FLNB: variants seen among roughly 807,000 people sequenced by gnomAD.
FLNB encodes filamin-B.
Under a neutral mutation model 250.6 loss-of-function variants are expected in FLNB, and 111 were observed. That is an observed-to-expected ratio of 0.44 (90% CI 0.38 to 0.52). The LOEUF (loss-of-function observed/expected upper bound fraction) is 0.52, where lower values mean the gene tolerates loss of function less well. Ranked by LOEUF, FLNB falls within the 20% of genes least tolerant of loss-of-function variation. FLNB has a pLI of 0.00. For synonymous variants in FLNB, 1,302 were observed against 1,372.1 expected (o/e 0.95, Z 1.13); for missense variants, 2,869 against 3,447.8 (o/e 0.83, Z 4.20).
chr3:58,051,435 G>A (rs1421409546), intron 1 of FLNB, among the ~76,000 whole-genome samples: 1 of 152,198 alleles, frequency 6.6e-6, no homozygotes, highest in East Asian at 1.9e-4. Flanking sequence ...CTGCAAGCAT[G>A]TACAGTACTT....
chr3:58,039,783 G>A (rs766761122), intron 1 of FLNB, among the ~76,000 whole-genome samples: 8 of 152,182 alleles, frequency 5.3e-5, no homozygotes, highest in Non-Finnish European at 1.0e-4. Context: ...TTCATGGGTG[G>A]TGGGGAGGGT....
chr3:58,146,999 G>A lies in FLNB; in HGVS notation c.5728+6G>A. On this transcript the variant is annotated splice_donor_region_variant and intron_variant, in intron 34 of 45. Transcript: ENST00000295956. ...CTTCACAGCCAAGATCACAGGTAGG[G>A]TTGTCTGGCTTCTGGGGTCTTCCTC... The A allele has an allele frequency of 1.2e-6, 2 of 1,613,684 alleles. No individual in the cohort carries two copies. The highest frequency in any genetic ancestry group is 2.2e-5 in the East Asian group (1 of 44,882).
rs534374010 is a variant in FLNB, at chr3:58,107,264, C to T, written c.1941+391C>T. Among the ~76,000 whole-genome samples the T allele has an allele frequency of 2.6e-5, 4 of 152,272 alleles. No homozygotes were observed. In the South Asian group the frequency reaches 8.3e-4, roughly 32 times the overall value. ...CAGGCTGGTCTCGAACTCCTGGCCT[C>T]AAGTGATCCACCCGCCTCGGCCCTC... On this transcript the variant is annotated intron_variant, in intron 12 of 45. Transcript: ENST00000295956.
intron 1 of FLNB, among the ~76,000 whole-genome samples, chr3:58,024,651 G>A (rs935871479): frequency 2.0e-5 from 3 of 150,344 alleles, no homozygotes; most frequent in African/African-American, 7.3e-5. Context: ...TGTTGAGTAG[G>A]AACCATCATG....
At chr3:58,129,458 G>A (rs909026855) in intron 24 of FLNB, among the ~76,000 whole-genome samples, 2 of 152,184 alleles carry the variant, frequency 1.3e-5, no homozygotes, top group Admixed American at 6.5e-5. Context: ...CTCAGAGGTA[G>A]TCCCTTGCCA....
Position 58,008,460 on chromosome 3 carries a change from G to A in FLNB, c.-105G>A. The A allele has an allele frequency of 7.2e-7, 1 of 1,391,444 alleles. No homozygotes were observed. Among genetic ancestry groups the A allele is most frequent in the South Asian group, 1.2e-5 (1 of 80,332 alleles). 86.2% of individuals were successfully genotyped at this position (1,391,444 alleles called of 1,614,324 possible). ...CCGTGGCTCCGGTAGCAGCAAGTTC[G>A]AACCCCGCTCCCGCTCCGCTTCGGT... On this transcript the variant is annotated 5_prime_UTR_variant, in exon 1 of 46. Coordinates refer to ENST00000295956, the MANE Select transcript of FLNB (RefSeq NM_001457.4).
At position 58,096,214 on chromosome 3, in the gene FLNB, A is replaced by T; in HGVS notation, c.980A>T (p.His327Leu). 6.2e-7 allele frequency: 1 copy of T among 1,612,604 alleles called. No individual in the cohort carries two copies. Residue 327 changes from histidine (H) to leucine (L), a missense_variant, in exon 6 of 46, where the codon CAC (histidine) becomes CTC (leucine). Transcript: ENST00000295956. ...VEYLPKVTGL[H>L]KVTVLFAGQH... ...TATCTGCCCAAGGTCACCGGGCTAC[A>T]CAAAGTAAGATGAAGCAGCATGGCT...
chr3:58,055,459 C>T (rs1383098160), intron 1 of FLNB, among the ~76,000 whole-genome samples: 1 of 152,146 alleles, frequency 6.6e-6, no homozygotes, highest in Non-Finnish European at 1.5e-5. Context: ...TTCCAAGAGT[C>T]TGCGTGAGAG....
chr3:58,134,329 A>T (rs2097312646), intron 26 of FLNB, among the ~76,000 whole-genome samples: 1 of 152,210 alleles, frequency 6.6e-6, no homozygotes, highest in Non-Finnish European at 1.5e-5. Context: ...TCCTGAAAGC[A>T]TTCCCCCACC....
chr3:58,143,470 T>C lies in FLNB; in HGVS notation c.5285-3T>C, dbSNP rs1250728472. ...CATTGCCCCGTCTCTCTGTGCTCCA[T>C]AGGAGAGGTCCACATGCCTTCTGGG... On this transcript the variant is annotated splice_polypyrimidine_tract_variant and splice_region_variant and intron_variant, in intron 31 of 45. Coordinates refer to ENST00000295956, the MANE Select transcript of FLNB (RefSeq NM_001457.4). 3 of 1,613,970 alleles carry C rather than the reference T, an allele frequency of 1.9e-6. No individual in the cohort carries two copies. The highest frequency in any genetic ancestry group is 8.5e-7 in the Non-Finnish European group (1 of 1,180,000).
chr3:58,077,923 A>G (rs989866361), intron 2 of FLNB, among the ~76,000 whole-genome samples: 1 of 152,338 alleles, frequency 6.6e-6, no homozygotes, highest in East Asian at 1.9e-4. Context: ...CTCAGTAGAA[A>G]GACCAGAGTC....
At chr3:58,135,844 A>G in intron 27 of FLNB, 135 bp from the exon 28 acceptor site, 1 of 957,660 alleles carries the variant, frequency 1.0e-6, no homozygotes, top group Non-Finnish European at 1.6e-6. Context: ...AAAACAAAAC[A>G]AAACTAGATT....
At position 58,123,186 on chromosome 3, in the gene FLNB, G is replaced by A; in HGVS notation, c.3220G>A (p.Gly1074Ser). 1.2e-6 allele frequency: 2 copies of A among 1,613,996 alleles called. No homozygotes were observed. Residue 1074 changes from glycine (G) to serine (S), a missense_variant, in exon 21 of 46, where the codon GGC becomes AGC. This residue lies in a region of FLNB where 1,348 missense variants were observed against 1,466.7 expected (regional missense o/e 0.92). Transcript: ENST00000295956. ...DTKGAGTGGL[G>S]LTVEGPCEAK... Reference sequence around the variant, plus strand: ...CAAAGGAGCTGGTACTGGAGGTCTGGGCTTAACGGTGGAAGGTCCGTGCGA... The same window carrying A: ...CAAAGGAGCTGGTACTGGAGGTCTGAGCTTAACGGTGGAAGGTCCGTGCGA...
intron 2 of FLNB, chr3:58,078,414 G>A: frequency 6.5e-7 from 1 of 1,534,928 alleles, no homozygotes; most frequent in Non-Finnish European, 8.7e-7. Flanking sequence ...CTGCATAAAG[G>A]CACCAGGCTT....
At chr3:58,162,926 G>A (rs1370306540) in intron 42 of FLNB, 1 of 573,440 alleles carries the variant, frequency 1.7e-6, no homozygotes, top group Non-Finnish European at 3.2e-6. Flanking sequence ...TCAGAGTCTT[G>A]TCCTGTGTTT....
intron 1 of FLNB, among the ~76,000 whole-genome samples, chr3:58,032,675 C>G (rs1036170424): frequency 1.3e-5 from 2 of 152,176 alleles, no homozygotes; most frequent in African/African-American, 4.8e-5. Flanking sequence ...CAAATTCAAG[C>G]AGGTCCATTT....
Position 58,145,773 on chromosome 3 carries a change from G to A in FLNB, c.5426-148G>A, listed in dbSNP as rs9874897. ...GTCCTAGGATGGCGGGGGATGGGAG[G>A]TGCATGTGCATCTCCTTCTGTCTCT... On this transcript the variant is annotated intron_variant, in intron 32 of 45. Transcript: ENST00000295956. 269 of 878,158 alleles carry A rather than the reference G, an allele frequency of 3.1e-4. No individual in the cohort carries two copies. The African/African-American group carries it at 4.0e-3, about 13-fold the overall frequency. The allele number at this position is 878,158 out of a possible 1,614,324, so 54.4% of individuals were successfully genotyped here.
chr3:58,108,125 CA>C (rs199822091), intron 12 of FLNB, among the ~76,000 whole-genome samples: 22 of 148,736 alleles, frequency 1.5e-4, no homozygotes, highest in Admixed American at 9.4e-4. Flanking sequence ...AAAACAAAAA[CA>C]AAAAAAAAAT....
At chr3:58,033,205 AC>A (rs755246083) in intron 1 of FLNB, among the ~76,000 whole-genome samples, 11 of 152,150 alleles carry the variant, frequency 7.2e-5, no homozygotes, top group Admixed American at 1.3e-4. Flanking sequence ...GGAAACCATC[AC>A]CATAATCAAG....
Sources: allele counts gnomAD v4.1 joint callset (sites outside exome capture counted in the v4.1 genomes callset), GRCh38; gene constraint gnomAD v4.1.1; regional missense constraint gnomAD v4.1.1; transcripts MANE v1.5; gene names NCBI Gene and HGNC (gene_info 2026-07-23, HGNC 2026-07-21).